The following PRRC2C variants were observed in gnomAD, a reference collection of about 807,000 sequenced individuals.
PRRC2C encodes the protein proline rich coiled-coil 2C.
PRRC2C carries 72 observed loss-of-function variants against 317.2 expected under a neutral mutation model. That is an observed-to-expected ratio of 0.23 (90% CI 0.19 to 0.28). PRRC2C has a LOEUF of 0.28. Ranked by LOEUF, PRRC2C falls within the 10% of genes least tolerant of loss-of-function variation. The pLI, the probability that PRRC2C is intolerant of heterozygous loss-of-function variation, is 1.00. For missense variants in PRRC2C, 3,074 were observed against 3,459.7 expected, an observed-to-expected ratio of 0.89 and a Z score of 2.80; for synonymous variants, 1,296 against 1,205.9, an observed-to-expected ratio of 1.07 and a Z score of -1.55.
chr1:171,546,703 C>T (rs1488097982), intron 17 of PRRC2C, among the ~76,000 whole-genome samples: 2 of 152,130 alleles, frequency 1.3e-5, no homozygotes, highest in Admixed American at 6.5e-5. Flanking sequence ...AGACGTCAAG[C>T]GATTCCCCAG....
At chr1:171,582,220 C>G (rs1270456288) in intron 28 of PRRC2C, among the ~76,000 whole-genome samples, 1 of 152,142 alleles carries the variant, frequency 6.6e-6, no homozygotes, top group East Asian at 1.9e-4. Context: ...AGATTTTGTT[C>G]TGAACTTTGT....
At position 171,556,507 on chromosome 1, in the gene PRRC2C, A is replaced by G. The variant is rs141062271; in HGVS notation, c.5128-733A>G. 4.7e-3 allele frequency among the ~76,000 whole-genome samples: 714 copies of G among 152,314 alleles called. 5 individuals are homozygous for G. The highest frequency in any genetic ancestry group is 0.015 in the African/African-American group (641 of 41,574). ...CAGAAATCACCCGTCTTCTGCGTCA[A>G]TCACACTGGGAGCTGCAGACTGGAG... On this transcript the variant is annotated intron_variant, in intron 18 of 34. Transcript: ENST00000647382.
intron 19 of PRRC2C, among the ~76,000 whole-genome samples, chr1:171,560,312 A>G (rs536692517): frequency 1.3e-5 from 2 of 152,352 alleles, no homozygotes; most frequent in East Asian, 3.9e-4. Context: ...TTGTGATGGA[A>G]TCTCCTGGTG....
intron 17 of PRRC2C, 43 bp from the exon 18 acceptor site, chr1:171,550,043 T>G: frequency 6.7e-7 from 1 of 1,487,902 alleles, no homozygotes; most frequent in South Asian, 1.4e-5. Context: ...TAATTTTCAT[T>G]TGAAAAACAG....
At chr1:171,555,901 G>A (rs908837496) in intron 18 of PRRC2C, among the ~76,000 whole-genome samples, 5 of 152,214 alleles carry the variant, frequency 3.3e-5, no homozygotes, top group African/African-American at 9.7e-5. Flanking sequence ...GAGGCAGTCT[G>A]TCTCTTCTCA....
chr1:171,526,803 A>ATTTTTTTTTTTTTTTT (rs1557918055), intron 10 of PRRC2C, among the ~76,000 whole-genome samples: 16 of 85,776 alleles, frequency 1.9e-4, no homozygotes, highest in African/African-American at 3.8e-4. Context: ...TCAGAAATAT[A>ATTTTTTTTTTTTTTTT]TCTTTTTTTT....
In PRRC2C at chr1:171,541,807, T is replaced by A. The variant is rs763236094; in HGVS notation, c.4341T>A (p.Ala1447=). ...PRFRRLRERE[A]ASKSNEVVAV... ...TTAGACGGCTAAGAGAGAGGGAGGCTGCTTCAAAATCAAATGAGGTGGTAG... is the reference window on the plus strand; with the variant it reads ...TTAGACGGCTAAGAGAGAGGGAGGCAGCTTCAAAATCAAATGAGGTGGTAG... Residue 1447 remains alanine (A), a synonymous_variant, in exon 16 of 35, where the codon GCT becomes GCA. Coordinates refer to ENST00000647382, the MANE Select transcript of PRRC2C (RefSeq NM_001387844.1). This position sits in a 1 kb window ranked among gnomAD's most constrained non-coding sequence, Gnocchi z 4.1. The A allele has an allele frequency of 6.2e-7, 1 of 1,613,814 alleles. No homozygotes were observed. Among genetic ancestry groups the A allele is most frequent in the Non-Finnish European group, 8.5e-7 (1 of 1,179,848 alleles).
chr1:171,526,805 C>CTTTTTTTTTTTTTTTTTTTTTTTT lies in PRRC2C; in HGVS notation c.1201-965_1201-964insTTTTTTTTTTTTTTTTTTTTTTTT, dbSNP rs938229816. On this transcript the variant is annotated intron_variant, in intron 10 of 34. Transcript: ENST00000647382. ...AAAATCATTACATTCAGAAATATAT[C>CTTTTTTTTTTTTTTTTTTTTTTTT]TTTTTTTTTTTTTTTTTTTTTGAGA... Among the ~76,000 whole-genome samples the CTTTTTTTTTTTTTTTTTTTTTTTT allele has an allele frequency of 5.1e-4, 46 of 90,206 alleles. 7 individuals are homozygous for CTTTTTTTTTTTTTTTTTTTTTTTT. The highest frequency in any genetic ancestry group is 1.2e-3 in the South Asian group (2 of 1,708). The allele number at this position is 90,206 out of a possible 152,430, so 59.2% of individuals were successfully genotyped here.
rs34762890 is a variant in PRRC2C, at chr1:171,539,007, A to AT, written c.2505-951dup. On this transcript the variant is annotated intron_variant, in intron 15 of 34. Transcript: ENST00000647382. The stretch of plus-strand genomic sequence containing the variant: ...AGGCATGAGCCACCGCTTCAGGCCC[A>AT]TTTTTTTTTTTTTAATGGAGTTTTG... Among the ~76,000 whole-genome samples, 1,085 of 126,742 alleles carry AT rather than the reference A, an allele frequency of 8.6e-3. 10 individuals are homozygous for AT. The highest frequency in any genetic ancestry group is 0.027 in the African/African-American group (908 of 33,258). The allele number at this position is 126,742 out of a possible 152,430, so 83.1% of individuals were successfully genotyped here.
chr1:171,519,112 A>G (rs1673068874), intron 6 of PRRC2C, among the ~76,000 whole-genome samples: 1 of 152,100 alleles, frequency 6.6e-6, no homozygotes, highest in South Asian at 2.1e-4. Context: ...TTGAACTCCT[A>G]ACGTCAAGTG....
chr1:171,553,060 G>C (rs964964703), intron 18 of PRRC2C, among the ~76,000 whole-genome samples: 1 of 152,114 alleles, frequency 6.6e-6, no homozygotes, highest in African/African-American at 2.4e-5. Context: ...TTGTACCTCT[G>C]GTAGAATTCA....
intron 6 of PRRC2C, among the ~76,000 whole-genome samples, chr1:171,520,739 A>G (rs1673388329): frequency 2.0e-5 from 3 of 151,270 alleles, no homozygotes; most frequent in South Asian, 4.2e-4. Context: ...GCTGAGTTTC[A>G]GCTGTTGCTT....
At chr1:171,576,177 G>T (rs1384315924) in intron 25 of PRRC2C, among the ~76,000 whole-genome samples, 2 of 152,186 alleles carry the variant, frequency 1.3e-5, no homozygotes, top group Admixed American at 1.3e-4. Context: ...TACTAGACTA[G>T]CTTGAGCCCC....
At chr1:171,535,666 T>C in intron 13 of PRRC2C, 69 bp downstream of exon 13, 1 of 1,498,890 alleles carries the variant, frequency 6.7e-7, no homozygotes, top group Non-Finnish European at 9.1e-7. Context: ...TCTGGGAAAT[T>C]AGACATAAAA....
intron 1 of PRRC2C, among the ~76,000 whole-genome samples, chr1:171,503,760 A>C (rs1669626119): frequency 6.6e-6 from 1 of 152,190 alleles, no homozygotes; most frequent in African/African-American, 2.4e-5. Context: ...TGGGCAATTT[A>C]TAAAGTAAAG....
Position 171,575,022 on chromosome 1 carries a change from C to T in PRRC2C, c.6849C>T (p.Val2283=), listed in dbSNP as rs780711419. The change falls in exon 25 of 35, where the codon GTC becomes GTT. Residue 2283 remains valine, a synonymous_variant. Coordinates refer to ENST00000647382, the MANE Select transcript of PRRC2C (RefSeq NM_001387844.1). ...TSTAPPIATG[V]SSSASGPSTA... is the part of the protein sequence containing the mutation. ...CAGCACCTCCAATTGCAACTGGAGT[C>T]AGCAGTAGTGCCAGTGGACCAAGCA... The T allele has an allele frequency of 6.2e-7, 1 of 1,613,856 alleles. No individual in the cohort carries two copies. Among genetic ancestry groups the T allele is most frequent in the Non-Finnish European group, 8.5e-7 (1 of 1,179,828 alleles).
chr1:171,494,865 C>T (rs563520641), intron 1 of PRRC2C, among the ~76,000 whole-genome samples: 2 of 151,984 alleles, frequency 1.3e-5, no homozygotes, highest in East Asian at 3.9e-4. Context: ...CCTGGGGTCT[C>T]AGCATTAGGA....
At chr1:171,547,316 G>A (rs1039206925) in intron 17 of PRRC2C, among the ~76,000 whole-genome samples, 1 of 152,260 alleles carries the variant, frequency 6.6e-6, no homozygotes, top group South Asian at 2.1e-4. Flanking sequence ...AAAAAGTAGT[G>A]TTCGAATTTT....
intron 24 of PRRC2C, among the ~76,000 whole-genome samples, chr1:171,572,993 T>G (rs1040250706): frequency 1.3e-5 from 2 of 152,208 alleles, no homozygotes; most frequent in African/African-American, 2.4e-5. Flanking sequence ...CACAGTAAAT[T>G]CTTACTTATT....
Sources: gnomAD v4.1 joint callset for allele counts (sites outside exome capture counted in the v4.1 genomes callset) on GRCh38, gnomAD v4.1.1 for gene constraint, Gnocchi (gnomAD v3.1) non-coding constraint, MANE v1.5 for transcripts, NCBI Gene and HGNC (gene_info 2026-07-23, HGNC 2026-07-21) for gene names.